The following APOOL variants were observed in gnomAD, a reference collection of about 807,000 sequenced individuals.
The protein encoded by APOOL is apolipoprotein O like.
Under a neutral mutation model 23.1 loss-of-function variants are expected in APOOL, and 12 were observed. The ratio of observed to expected loss-of-function variants is 0.52; its 90% CI spans 0.33 to 0.84. APOOL has a LOEUF of 0.84. Ranked by LOEUF, APOOL falls within the 40% of genes least tolerant of loss-of-function variation. The pLI, the probability that APOOL is intolerant of heterozygous loss-of-function variation, is 0.02. For synonymous variants in APOOL, 77 were observed against 69.9 expected (o/e 1.10, Z -0.51); for missense variants, 212 against 199.6 (o/e 1.06, Z -0.37).
At chrX:85,038,165 A>T (rs1922278781) in intron 1 of APOOL, among the ~76,000 whole-genome samples, 1 of 111,485 alleles carries the variant, frequency 9.0e-6, no homozygotes, top group African/African-American at 3.3e-5. Flanking sequence ...TGTTTATGTG[A>T]TTAATTACAT....
At chrX:85,009,964 G>A (rs1221526093) in intron 1 of APOOL, among the ~76,000 whole-genome samples, 1 of 112,018 alleles carries the variant, frequency 8.9e-6, no homozygotes, top group African/African-American at 3.2e-5. Context: ...CCATGTTCAT[G>A]CAAAAGACAT....
At chrX:85,046,415 TA>T in intron 1 of APOOL, 30 bp from the exon 2 acceptor site, 4 of 1,118,401 alleles carry the variant, frequency 3.6e-6, no homozygotes, top group Non-Finnish European at 4.8e-6. Context: ...GCTTTTCAAC[TA>T]AAAAGATGTT....
intron 8 of APOOL, among the ~76,000 whole-genome samples, chrX:85,079,156 C>T (rs1463332404): frequency 1.8e-5 from 2 of 111,746 alleles, no homozygotes; most frequent in African/African-American, 6.5e-5. Flanking sequence ...AGAGGGCACC[C>T]CTGTCTTGTG....
At chrX:85,056,702 CA>C (rs1391152063) in intron 5 of APOOL, among the ~76,000 whole-genome samples, 6 of 111,419 alleles carry the variant, frequency 5.4e-5, no homozygotes, top group African/African-American at 2.0e-4. Flanking sequence ...AAGATCATGC[CA>C]TTACACTTCA....
intron 8 of APOOL, among the ~76,000 whole-genome samples, chrX:85,078,117 G>T (rs1263701304): frequency 1.8e-5 from 2 of 111,506 alleles, no homozygotes; most frequent in Admixed American, 1.9e-4. Flanking sequence ...GTCAATTTTG[G>T]CTTTTGTTGC....
chrX:85,092,368 G>C lies in APOOL; in HGVS notation c.*4690G>C, dbSNP rs1313659464. 6 of 1,155,294 alleles carry C rather than the reference G, an allele frequency of 5.2e-6. No homozygotes were observed. In the Admixed American group the frequency reaches 1.6e-4, roughly 32 times the overall value. ...AGTCAAATGTTGGAGGCTGTGTTGG[G>C]ATGAGTTGTTACAAAGCCTCTTTCA... On this transcript the variant is annotated 3_prime_UTR_variant, in exon 9 of 9. Transcript: ENST00000373173.
intron 5 of APOOL, 42 bp downstream of exon 5, chrX:85,055,967 T>C: frequency 2.0e-6 from 2 of 1,014,991 alleles, no homozygotes; most frequent in Non-Finnish European, 1.3e-6. Flanking sequence ...TGCCATGATA[T>C]TAGTTTCTGA....
rs1921328733 is a variant in APOOL at position 85,012,603 on chromosome X, T to C, written c.15+8676T>C. 4.5e-5 allele frequency among the ~76,000 whole-genome samples: 5 copies of C among 111,236 alleles called. No individual in the cohort carries two copies. The South Asian group carries it at 1.9e-3, about 42-fold the overall frequency. On this transcript the variant is annotated intron_variant, in intron 1 of 8. Coordinates refer to ENST00000373173, the MANE Select transcript of APOOL (RefSeq NM_198450.6). ...TTTTTCTGCTTCTGTTGAGGTGATC[T>C]TATGATCTTATGATTTTTAGTTTTA...
intron 2 of APOOL, among the ~76,000 whole-genome samples, chrX:85,047,280 A>C (rs2147644780): frequency 8.9e-6 from 1 of 111,829 alleles, no homozygotes; most frequent in African/African-American, 3.2e-5. Flanking sequence ...TGAGTTCCTC[A>C]CTATCATGAT....
chrX:85,019,186 G>A (rs1262595610), intron 1 of APOOL, among the ~76,000 whole-genome samples: 2 of 112,011 alleles, frequency 1.8e-5, no homozygotes, highest in Non-Finnish European at 3.8e-5. Context: ...TGGCTGCTAT[G>A]GTTTGAATGT....
chrX:85,075,260 A>G (rs749493722), intron 8 of APOOL, among the ~76,000 whole-genome samples: 1 of 111,114 alleles, frequency 9.0e-6, no homozygotes, highest in African/African-American at 3.3e-5. Flanking sequence ...AAAGCAAAAC[A>G]AAAACCTCTG....
rs1015762674 is a variant in APOOL, at chrX:85,055,835, G to A, written c.304G>A (p.Val102Ile). The change falls in exon 5 of 9, where the codon GTC (valine) becomes ATC (isoleucine). Residue 102 changes from valine (V) to isoleucine (I), a missense_variant. Physicochemically the swap from Val to Ile is conservative, Grantham distance 29 (BLOSUM62 3). Coordinates refer to ENST00000373173, the MANE Select transcript of APOOL (RefSeq NM_198450.6). ...DTVQFGKDAY[V>I]YLKNPPRDFL... ...TTAACTGATTTCTTGAGATGCTTAT[G>A]TCTATCTGAAGAATCCTCCTCGAGA... is the stretch of plus-strand genomic sequence containing the variant. 8.4e-7 allele frequency: 1 copy of A among 1,186,756 alleles called. No homozygotes were observed. The highest frequency in any genetic ancestry group is 1.1e-6 in the Non-Finnish European group (1 of 881,790).
intron 1 of APOOL, among the ~76,000 whole-genome samples, chrX:85,045,223 T>C (rs1409551870): frequency 9.0e-6 from 1 of 111,606 alleles, no homozygotes; most frequent in Non-Finnish European, 1.9e-5. Flanking sequence ...TGATGCTGTT[T>C]CCTGTACTAG....
At chrX:85,054,072 A>T (rs1205376577) in intron 3 of APOOL, among the ~76,000 whole-genome samples, 1 of 111,686 alleles carries the variant, frequency 9.0e-6, no homozygotes, top group Non-Finnish European at 1.9e-5. Flanking sequence ...AAGATGATAA[A>T]TATTTTTTTC....
chrX:85,026,225 G>T (rs1346304679), intron 1 of APOOL, among the ~76,000 whole-genome samples: 1 of 113,402 alleles, frequency 8.8e-6, no homozygotes, highest in East Asian at 2.8e-4. Context: ...GCCCCTTTGG[G>T]CCATGGCTGG....
chrX:85,051,494 A>G lies in APOOL; in HGVS notation c.226A>G (p.Ile76Val). Residue 76 changes from isoleucine (I) to valine (V), a missense_variant, in exon 3 of 9, where the codon ATT (isoleucine) becomes GTT (valine). Transcript: ENST00000373173. Reference sequence around the variant, plus strand: ...CATCCGCACTGCAACTGGTTGTTACATTGGCTGGTGCAAGGTAAGTCAATT... The same window carrying G: ...CATCCGCACTGCAACTGGTTGTTACGTTGGCTGGTGCAAGGTAAGTCAATT... ...ASIRTATGCY[I>V]GWCKGVYVFV... 8.3e-7 allele frequency: 1 copy of G among 1,211,403 alleles called. No homozygotes were observed. The highest frequency in any genetic ancestry group is 1.1e-6 in the Non-Finnish European group (1 of 895,185).
Position 85,051,457 on chromosome X carries a change from G to A in APOOL, c.189G>A (p.Met63Ile). The change falls in exon 3 of 9, where the codon ATG (methionine) becomes ATA (isoleucine). Residue 63 changes from methionine (M) to isoleucine (I), a missense_variant. Physicochemically the swap from Met to Ile is conservative, Grantham distance 10. Coordinates refer to ENST00000373173, the MANE Select transcript of APOOL (RefSeq NM_198450.6). ...YVEEQPGHLQ[M>I]GFASIRTATG... ...AAGAGCAGCCTGGTCATTTACAAAT[G>A]GGCTTTGCTTCCATCCGCACTGCAA... 1 of 1,210,974 alleles carries A rather than the reference G, an allele frequency of 8.3e-7. No individual in the cohort carries two copies. The highest frequency in any genetic ancestry group is 1.1e-6 in the Non-Finnish European group (1 of 895,091).
At chrX:85,075,536 T>G (rs2147662773) in intron 8 of APOOL, among the ~76,000 whole-genome samples, 1 of 111,955 alleles carries the variant, frequency 8.9e-6, no homozygotes, top group East Asian at 2.8e-4. Context: ...TTTTACTATT[T>G]TCCTCTGTCC....
At chrX:85,038,652 T>C (rs1922307837) in intron 1 of APOOL, among the ~76,000 whole-genome samples, 1 of 107,900 alleles carries the variant, frequency 9.3e-6, no homozygotes, top group East Asian at 2.9e-4. Context: ...GGTATATATT[T>C]CTAGGAATTT....
Sources: gnomAD v4.1 joint callset for allele counts (sites outside exome capture counted in the v4.1 genomes callset) on GRCh38, gnomAD v4.1.1 for gene constraint, MANE v1.5 for transcripts, NCBI Gene and HGNC (gene_info 2026-07-23, HGNC 2026-07-21) for gene names.